The following SVOPL variants were observed in gnomAD, a reference collection of about 807,000 sequenced individuals.
SVOPL encodes the protein SVOP like.
Under a neutral mutation model 61.0 loss-of-function variants are expected in SVOPL, and 60 were observed. The ratio of observed to expected loss-of-function variants is 0.98; its 90% CI spans 0.80 to 1.22. The LOEUF is 1.22. Among genes scored for constraint, SVOPL ranks in the 50% most tolerant of loss-of-function variants. The probability of loss-of-function intolerance (pLI) is 0.00; values close to 1 mark genes in which losing one functional copy is unlikely to be tolerated. For synonymous variants in SVOPL, 279 were observed against 250.0 expected (o/e 1.12, Z -1.09); for missense variants, 662 against 643.9 (o/e 1.03, Z -0.30).
chr7:138,616,165 T>A (rs1650700309), intron 14 of SVOPL, among the ~76,000 whole-genome samples: 1 of 152,136 alleles, frequency 6.6e-6, no homozygotes, highest in Non-Finnish European at 1.5e-5. Context: ...AGTTTCTGTT[T>A]TTATAAGCCA....
chr7:138,693,492 G>A (rs62485339), intron 1 of SVOPL, among the ~76,000 whole-genome samples: 1 of 98,626 alleles, frequency 1.0e-5, no homozygotes, highest in African/African-American at 3.5e-5. Context: ...GAAAGAGAGA[G>A]AGAAAGAAGG....
At chr7:138,676,542 G>GAGTCCTCATGGCCTAATCACCTCTTAA (rs141769164) in intron 3 of SVOPL, among the ~76,000 whole-genome samples, 2,841 of 152,118 alleles carry the variant, frequency 0.019, 98 homozygotes, top group African/African-American at 0.066. Flanking sequence ...CACGAGGGAG[G>GAGTCCTCATGGCCTAATCACCTCTTAA]AGTCCCCGCC....
intron 8 of SVOPL, 85 bp downstream of exon 8, chr7:138,648,927 G>C (rs999415462): frequency 6.3e-7 from 1 of 1,584,888 alleles, no homozygotes; most frequent in Non-Finnish European, 8.6e-7. Flanking sequence ...GTCTCGAGGG[G>C]GAAAATAAAA....
intron 3 of SVOPL, among the ~76,000 whole-genome samples, chr7:138,676,943 A>AT (rs1802578121): frequency 8.0e-6 from 1 of 124,236 alleles, no homozygotes; most frequent in Non-Finnish European, 1.6e-5. Flanking sequence ...TCGCTCTGTC[A>AT]TCAGGGCTGG....
At chr7:138,605,290 T>C (rs1798702855) in intron 14 of SVOPL, among the ~76,000 whole-genome samples, 3 of 151,894 alleles carry the variant, frequency 2.0e-5, no homozygotes, top group African/African-American at 4.8e-5. Flanking sequence ...GGACTCCCTC[T>C]TTCACAGGTA....
chr7:138,644,473 T>C (rs914601401), intron 9 of SVOPL, among the ~76,000 whole-genome samples: 3 of 152,342 alleles, frequency 2.0e-5, no homozygotes, highest in African/African-American at 7.2e-5. Flanking sequence ...ATCATGTTAT[T>C]AGCTCTGCAA....
At chr7:138,662,576 C>T (rs1177804943) in intron 5 of SVOPL, 3 of 986,558 alleles carry the variant, frequency 3.0e-6, no homozygotes, top group Non-Finnish European at 3.6e-6. Context: ...AATAGGGCTG[C>T]TCTGAAGGGC....
chr7:138,644,209 A>T (rs1448862797), intron 9 of SVOPL, among the ~76,000 whole-genome samples: 3 of 140,308 alleles, frequency 2.1e-5, no homozygotes, highest in Non-Finnish European at 4.9e-5. Flanking sequence ...AAAAAAAAAA[A>T]AAAAAAAAAA....
chr7:138,611,891 G>C (rs796308751), intron 14 of SVOPL, among the ~76,000 whole-genome samples: 4 of 43,096 alleles, frequency 9.3e-5, no homozygotes, highest in African/African-American at 2.0e-4. Context: ...CCGTCTGGGA[G>C]GTGTGCCCAA....
chr7:138,603,379 G>A (rs1312713059), intron 14 of SVOPL, among the ~76,000 whole-genome samples: 1 of 152,150 alleles, frequency 6.6e-6, no homozygotes, highest in African/African-American at 2.4e-5. Context: ...GGGTGTGGAT[G>A]TATTTTAAGA....
At chr7:138,659,833 T>C in intron 6 of SVOPL, 31 bp downstream of exon 6, 1 of 1,549,356 alleles carries the variant, frequency 6.5e-7, no homozygotes, top group African/African-American at 1.4e-5. Flanking sequence ...TACACGTTTC[T>C]GTCTCAGGGT....
chr7:138,690,162 AT>A (rs1208925195), intron 1 of SVOPL, among the ~76,000 whole-genome samples: 1 of 152,174 alleles, frequency 6.6e-6, no homozygotes, highest in African/African-American at 2.4e-5. Flanking sequence ...GAAATGATCA[AT>A]TTCTCTTGTT....
At chr7:138,615,951 C>T (rs1055477031) in intron 14 of SVOPL, among the ~76,000 whole-genome samples, 1 of 151,766 alleles carries the variant, frequency 6.6e-6, no homozygotes, top group Non-Finnish European at 1.5e-5. Context: ...GAGAAGAGAG[C>T]CCTCACTAGA....
intron 9 of SVOPL, among the ~76,000 whole-genome samples, chr7:138,637,463 T>TATATATAGATATAGATATAG (rs1554463004): frequency 6.8e-4 from 13 of 19,100 alleles, no homozygotes; most frequent in African/African-American, 1.7e-3. Flanking sequence ...TAGATATATA[T>TATATATAGATATAGATATAG]ATATAGATAT....
chr7:138,655,406 G>A (rs1372335615), intron 7 of SVOPL, among the ~76,000 whole-genome samples: 2 of 152,128 alleles, frequency 1.3e-5, no homozygotes, highest in African/African-American at 4.8e-5. Context: ...TTGGGAGGTT[G>A]AGGCAGGAGA....
intron 1 of SVOPL, among the ~76,000 whole-genome samples, chr7:138,679,553 G>A (rs973196289): frequency 6.6e-6 from 1 of 152,108 alleles, no homozygotes; most frequent in Non-Finnish European, 1.5e-5. Flanking sequence ...GATTATAGGC[G>A]TGAACGACTG....
chr7:138,634,229 T>TG (rs1279267470), intron 9 of SVOPL, among the ~76,000 whole-genome samples: 1 of 152,192 alleles, frequency 6.6e-6, no homozygotes, highest in Admixed American at 6.6e-5. Flanking sequence ...ACTGAGGATC[T>TG]GGTGCAGTAG....
At chr7:138,676,879 T>C (rs1309942224) in intron 3 of SVOPL, among the ~76,000 whole-genome samples, 1 of 151,342 alleles carries the variant, frequency 6.6e-6, no homozygotes. Flanking sequence ...GATTTTTGGA[T>C]TACCCACCTC....
intron 14 of SVOPL, among the ~76,000 whole-genome samples, chr7:138,612,447 T>TAAAAAAAAAAAAAAAAAAAAAAAAAAAAA (rs59229265): frequency 4.5e-5 from 1 of 22,298 alleles, no homozygotes; most frequent in Non-Finnish European, 9.2e-5. Context: ...AAAAAAAAAA[T>TAAAAAAAAAAAAAAAAAAAAAAAAAAAAA]AAAAAAAAAA....
Sources: gnomAD v4.1 joint callset for allele counts (sites outside exome capture counted in the v4.1 genomes callset) on GRCh38, gnomAD v4.1.1 for gene constraint, MANE v1.5 for transcripts, NCBI Gene and HGNC (gene_info 2026-07-23, HGNC 2026-07-21) for gene names.